SMPDL3B: variants seen among roughly 807,000 people sequenced by gnomAD.
SMPDL3B encodes sphingomyelin phosphodiesterase acid like 3B.
SMPDL3B carries 31 observed loss-of-function variants against 37.9 expected under a neutral mutation model. The ratio of observed to expected loss-of-function variants is 0.82; its 90% CI spans 0.61 to 1.10. The LOEUF (loss-of-function observed/expected upper bound fraction) is 1.10, where lower values mean the gene tolerates loss of function less well. Ranked by LOEUF, SMPDL3B falls within the 50% of genes least tolerant of loss-of-function variation. The pLI is 0.00. For synonymous variants in SMPDL3B, 235 were observed against 242.6 expected (o/e 0.97, Z 0.29); for missense variants, 525 against 597.8 (o/e 0.88, Z 1.27).
At chr1:27,935,630 A>G (rs1436107398) in intron 1 of SMPDL3B, among the ~76,000 whole-genome samples, 1 of 152,226 alleles carries the variant, frequency 6.6e-6, no homozygotes, top group Non-Finnish European at 1.5e-5. Flanking sequence ...TCAATGAAGA[A>G]TTCCTTCATC....
intron 7 of SMPDL3B, among the ~76,000 whole-genome samples, chr1:27,957,490 G>A (rs1638323825): frequency 6.6e-6 from 1 of 152,144 alleles, no homozygotes; most frequent in Non-Finnish European, 1.5e-5. Context: ...AGGGCTAAAT[G>A]GCATCAAGTG....
At chr1:27,955,316 G>A (rs146094279) in intron 5 of SMPDL3B, among the ~76,000 whole-genome samples, 4 of 152,326 alleles carry the variant, frequency 2.6e-5, no homozygotes, top group East Asian at 3.9e-4. Context: ...GCACATTACC[G>A]TGTAGCATAT....
chr1:27,941,109 A>G (rs1227115028), intron 1 of SMPDL3B, among the ~76,000 whole-genome samples: 1 of 152,186 alleles, frequency 6.6e-6, no homozygotes, highest in Non-Finnish European at 1.5e-5. Flanking sequence ...TGACATGCTA[A>G]TTAGAGCTTA....
intron 3 of SMPDL3B, among the ~76,000 whole-genome samples, chr1:27,949,809 G>A (rs919520306): frequency 1.3e-5 from 2 of 152,178 alleles, no homozygotes. Context: ...TGAGAAAGCA[G>A]CCCATAGCCC....
At chr1:27,939,814 TTTTGTTTG>T (rs141670645) in intron 1 of SMPDL3B, among the ~76,000 whole-genome samples, 21 of 150,900 alleles carry the variant, frequency 1.4e-4, no homozygotes, top group Admixed American at 2.0e-4. Flanking sequence ...GTTTGTTTGT[TTTTGTTTG>T]TTTGTTTGTT....
At chr1:27,954,600 A>C in intron 5 of SMPDL3B, 74 bp downstream of exon 5, 6 of 1,423,436 alleles carry the variant, frequency 4.2e-6, no homozygotes, top group Non-Finnish European at 2.9e-6. Context: ...GCACAAACTC[A>C]CCCACCCACC....
Position 27,955,795 on chromosome 1 carries a change from C to T in SMPDL3B, c.802C>T (p.Arg268Cys), listed in dbSNP as rs778683625. The change falls in exon 6 of 8, where the codon CGC becomes TGC. Residue 268 changes from arginine (R) to cysteine (C), a missense_variant. Transcript: ENST00000373894. Reference sequence around the variant, plus strand: ...CCTGAAGGTGGTCCGGAAGCATCATCGCGTCATAGCAGGGCAGTTCTTCGG... The same window carrying T: ...CCTGAAGGTGGTCCGGAAGCATCATTGCGTCATAGCAGGGCAGTTCTTCGG... ...KYLKVVRKHH[R>C]VIAGQFFGHH... 6 of 1,614,034 alleles carry T rather than the reference C, an allele frequency of 3.7e-6. No homozygotes were observed. The highest frequency in any genetic ancestry group is 3.4e-6 in the Non-Finnish European group (4 of 1,180,038).
rs1020127054 is a variant in SMPDL3B at position 27,953,196 on chromosome 1, T to C, written c.374-19T>C. 1 of 1,602,694 alleles carries C rather than the reference T, an allele frequency of 6.2e-7. No homozygotes were observed. Among genetic ancestry groups the C allele is most frequent in the Non-Finnish European group, 8.5e-7 (1 of 1,174,658 alleles). ...GTGCTTTTGCATATATATTTTGATA[T>C]TTCACCCTTTCTTCCTAGATACTAA... On this transcript the variant is annotated intron_variant, in intron 3 of 7. Coordinates refer to ENST00000373894, the MANE Select transcript of SMPDL3B (RefSeq NM_014474.4).
In SMPDL3B at chr1:27,953,168, C is replaced by A. The variant is rs758506608; in HGVS notation, c.374-47C>A. The A allele has an allele frequency of 2.6e-6, 4 of 1,512,062 alleles. No homozygotes were observed. In the Admixed American group the frequency reaches 7.1e-5, roughly 27 times the overall value. The allele number at this position is 1,512,062 out of a possible 1,614,324, so 93.7% of individuals were successfully genotyped here. On this transcript the variant is annotated intron_variant, in intron 3 of 7. Transcript: ENST00000373894. ...GCCAACAGAAAATGATTAACTCCCCCGAGTGCTTTTGCATATATATTTTGA... is the reference window on the plus strand; with the variant it reads ...GCCAACAGAAAATGATTAACTCCCCAGAGTGCTTTTGCATATATATTTTGA...
chr1:27,950,409 T>C (rs1005286907), intron 3 of SMPDL3B, among the ~76,000 whole-genome samples: 2 of 152,180 alleles, frequency 1.3e-5, no homozygotes, highest in African/African-American at 4.8e-5. Context: ...TTGCTTCACA[T>C]GGGGCTTCTG....
In SMPDL3B at chr1:27,949,104, G is replaced by T. The variant is rs781116647; in HGVS notation, c.315G>T (p.Glu105Asp). The change falls in exon 3 of 8, where the codon GAG becomes GAT. Residue 105 changes from glutamate (E) to aspartate (D), a missense_variant. Physicochemically the swap from Glu to Asp is conservative, Grantham distance 45. Coordinates refer to ENST00000373894, the MANE Select transcript of SMPDL3B (RefSeq NM_014474.4). Reference protein sequence around the residue: ...TPHVPDEKLGEAAVLEIVERL... With the variant: ...TPHVPDEKLGDAAVLEIVERL... Reference sequence around the variant, plus strand: ...ATGTGCCCGATGAGAAACTGGGAGAGGCAGCTGTACTGGAAATTGTGGAAC... The same window carrying T: ...ATGTGCCCGATGAGAAACTGGGAGATGCAGCTGTACTGGAAATTGTGGAAC... The T allele has an allele frequency of 1.9e-6, 3 of 1,614,112 alleles. No homozygotes were observed. The African/African-American group carries it at 4.0e-5, about 22-fold the overall frequency.
chr1:27,954,625 TC>T, intron 5 of SMPDL3B, 99 bp downstream of exon 5: 1 of 1,122,090 alleles, frequency 8.9e-7, no homozygotes, highest in Non-Finnish European at 1.3e-6. Context: ...GATGCCCATA[TC>T]CCAGAGGGTC....
Position 27,947,966 on chromosome 1 carries a change from C to T in SMPDL3B, c.276-1099C>T, listed in dbSNP as rs139305725. On this transcript the variant is annotated intron_variant, in intron 2 of 7. Transcript: ENST00000373894. ...TTTTGTCCCTGTGTCTTTGGGTTTC[C>T]GGCCTGTCCCCAGGGAGTTTTCAGG... Among the ~76,000 whole-genome samples the T allele has an allele frequency of 2.4e-3, 361 of 152,166 alleles. 2 individuals are homozygous for T. The highest frequency in any genetic ancestry group is 3.8e-3 in the Non-Finnish European group (259 of 67,988).
chr1:27,956,308 T>C (rs4908381), intron 7 of SMPDL3B: 1,461,495 of 1,492,474 alleles, frequency 0.98, 716,774 homozygotes, highest in East Asian at 1. Flanking sequence ...CTGTCACAGC[T>C]TCATACCTGG....
chr1:27,956,165 A>G (rs1405594056), intron 7 of SMPDL3B, 83 bp downstream of exon 7: 2 of 1,612,576 alleles, frequency 1.2e-6, no homozygotes, highest in Non-Finnish European at 1.7e-6. Flanking sequence ...CAGCTTATCC[A>G]CCTTCCCCTG....
chr1:27,938,663 G>A (rs1414869599), intron 1 of SMPDL3B, among the ~76,000 whole-genome samples: 4 of 152,218 alleles, frequency 2.6e-5, no homozygotes, highest in African/African-American at 9.6e-5. Flanking sequence ...GTATGATGGG[G>A]CGAAAGCCTT....
In SMPDL3B at chr1:27,945,342, C is replaced by A; in HGVS notation, c.172C>A (p.Pro58Thr). ...ATCCCAGCCAGTGCCCGACGCAGGC[C>A]CCTGGGGTGACTACCTCTGTGATTC... ...AGSQPVPDAGPWGDYLCDSPW... is the reference protein window; with the variant it reads ...AGSQPVPDAGTWGDYLCDSPW... Residue 58 changes from proline to threonine, a missense_variant, in exon 2 of 8, where the codon CCC becomes ACC. By Grantham distance (38) the Pro-to-Thr change is conservative. Transcript: ENST00000373894. This position sits in a 1 kb window ranked among gnomAD's most constrained non-coding sequence, Gnocchi z 4.0. 1 of 1,614,158 alleles carries A rather than the reference C, an allele frequency of 6.2e-7. No homozygotes were observed. Among genetic ancestry groups the A allele is most frequent in the South Asian group, 1.1e-5 (1 of 91,078 alleles).
intron 7 of SMPDL3B, among the ~76,000 whole-genome samples, chr1:27,957,960 G>C (rs1638338603): frequency 6.6e-6 from 1 of 152,170 alleles, no homozygotes; most frequent in Non-Finnish European, 1.5e-5. Context: ...CGTCTGCAGT[G>C]GCCTGAAGCA....
intron 1 of SMPDL3B, chr1:27,936,486 C>G (rs752234325): frequency 6.6e-6 from 1 of 151,776 alleles, no homozygotes; most frequent in Non-Finnish European, 1.5e-5. Flanking sequence ...AAAAAATTCT[C>G]TTTATAGCCC....
Sources: gnomAD v4.1 joint callset for allele counts (sites outside exome capture counted in the v4.1 genomes callset) on GRCh38, gnomAD v4.1.1 for gene constraint, Gnocchi (gnomAD v3.1) non-coding constraint, MANE v1.5 for transcripts, NCBI Gene and HGNC (gene_info 2026-07-23, HGNC 2026-07-21) for gene names.